The following FGF2 variants were observed in gnomAD, a reference collection of about 807,000 sequenced individuals.
FGF2 encodes fibroblast growth factor 2.
Under a neutral mutation model 15.9 loss-of-function variants are expected in FGF2, and 13 were observed. The ratio of observed to expected loss-of-function variants is 0.82; its 90% CI spans 0.53 to 1.30. The LOEUF (loss-of-function observed/expected upper bound fraction) is 1.30, where lower values mean the gene tolerates loss of function less well. FGF2 is among the 50% of genes most tolerant of loss of function. The probability of loss-of-function intolerance (pLI) is 0.00; values close to 1 mark genes in which losing one functional copy is unlikely to be tolerated. For synonymous variants in FGF2, 90 were observed against 78.4 expected, an observed-to-expected ratio of 1.15 and a Z score of -0.78; for missense variants, 163 against 196.9, an observed-to-expected ratio of 0.83 and a Z score of 1.03.
At chr4:122,864,821 T>G (rs1726538637) in intron 1 of FGF2, among the ~76,000 whole-genome samples, 2 of 152,202 alleles carry the variant, frequency 1.3e-5, no homozygotes, top group Non-Finnish European at 2.9e-5. Flanking sequence ...CTCATGAATG[T>G]GCTTATTTTC....
chr4:122,855,176 T>C (rs1281335297), intron 1 of FGF2, among the ~76,000 whole-genome samples: 1 of 152,172 alleles, frequency 6.6e-6, no homozygotes, highest in Non-Finnish European at 1.5e-5. Context: ...ATGAGGCACT[T>C]ACTTAATTAA....
intron 1 of FGF2, among the ~76,000 whole-genome samples, chr4:122,862,740 C>T (rs1264860491): frequency 1.3e-5 from 2 of 152,132 alleles, no homozygotes; most frequent in Admixed American, 6.5e-5. Flanking sequence ...TGATGAGATG[C>T]TTCAATTTTG....
chr4:122,843,130 T>A (rs1255719995), intron 1 of FGF2, among the ~76,000 whole-genome samples: 3 of 152,162 alleles, frequency 2.0e-5, no homozygotes, highest in African/African-American at 7.2e-5. Context: ...GCTTTGCTTG[T>A]GGTGTTTTCC....
chr4:122,863,438 A>C (rs1224157461), intron 1 of FGF2, among the ~76,000 whole-genome samples: 1 of 152,110 alleles, frequency 6.6e-6, no homozygotes, highest in Non-Finnish European at 1.5e-5. Context: ...CTAGGTGTGT[A>C]GGACTTAAGT....
chr4:122,855,445 T>C (rs1726320177), intron 1 of FGF2, among the ~76,000 whole-genome samples: 3 of 152,242 alleles, frequency 2.0e-5, no homozygotes, highest in Admixed American at 2.0e-4. Flanking sequence ...AGCAGTTTTG[T>C]TGAAGTATTT....
chr4:122,871,885 GA>G (rs1419377382), intron 1 of FGF2, among the ~76,000 whole-genome samples: 4 of 148,832 alleles, frequency 2.7e-5, no homozygotes, highest in African/African-American at 1.0e-4. Context: ...CTCAAAGACT[GA>G]AAATAGACAA....
At chr4:122,890,496 G>C (rs963636835) in intron 2 of FGF2, among the ~76,000 whole-genome samples, 8 of 152,188 alleles carry the variant, frequency 5.3e-5, no homozygotes, top group African/African-American at 1.7e-4. Context: ...TAAATATCCA[G>C]TAAAATTCTT....
intron 1 of FGF2, among the ~76,000 whole-genome samples, chr4:122,858,869 G>C (rs765323842): frequency 1.1e-4 from 17 of 152,274 alleles, no homozygotes; most frequent in Non-Finnish European, 2.2e-4. Flanking sequence ...GATCCAAGGA[G>C]ACTACTAAAC....
chr4:122,830,870 C>T (rs970004167), intron 1 of FGF2, among the ~76,000 whole-genome samples: 2 of 148,004 alleles, frequency 1.4e-5, no homozygotes, highest in Non-Finnish European at 3.0e-5. Flanking sequence ...TGTATCTACC[C>T]TTGGGCTTCT....
At chr4:122,842,773 T>C (rs1215856770) in intron 1 of FGF2, among the ~76,000 whole-genome samples, 1 of 152,226 alleles carries the variant, frequency 6.6e-6, no homozygotes, top group Non-Finnish European at 1.5e-5. Flanking sequence ...GCCAAATATA[T>C]GGCCTGCTTC....
At position 122,827,304 on chromosome 4, in the gene FGF2, C is replaced by G. The variant is rs1273011160; in HGVS notation, c.130C>G (p.His44Asp). The change falls in exon 1 of 3, where the codon CAC (histidine) becomes GAC (aspartate). Residue 44 changes from histidine (H) to aspartate (D), a missense_variant. Coordinates refer to ENST00000644866, the MANE Select transcript of FGF2 (RefSeq NM_001361665.2). This position sits in a 1 kb window ranked among gnomAD's most constrained non-coding sequence, Gnocchi z 4.2. ...CKNGGFFLRI[H>D]PDGRVDGVRE... ...AAACGGGGGCTTCTTCCTGCGCATC[C>G]ACCCCGACGGCCGAGTTGACGGGGT... is the stretch of plus-strand genomic sequence containing the variant. The G allele has an allele frequency of 5.6e-6, 9 of 1,613,024 alleles. No homozygotes were observed. The East Asian group carries it at 1.8e-4, about 32-fold the overall frequency.
intron 1 of FGF2, among the ~76,000 whole-genome samples, chr4:122,865,271 G>A (rs529280139): frequency 6.9e-6 from 1 of 144,770 alleles, no homozygotes; most frequent in Non-Finnish European, 1.5e-5. Flanking sequence ...TATTTTCTCT[G>A]TTTTTTTTTG....
intron 1 of FGF2, among the ~76,000 whole-genome samples, chr4:122,846,215 T>C (rs949660255): frequency 1.4e-4 from 21 of 152,130 alleles, no homozygotes; most frequent in Non-Finnish European, 1.0e-4. Context: ...TCAAAACAAT[T>C]ACAGTGGTAA....
chr4:122,867,603 CCAGAGTGCTG>C (rs1472769780), intron 1 of FGF2, among the ~76,000 whole-genome samples: 1 of 152,142 alleles, frequency 6.6e-6, no homozygotes, highest in Non-Finnish European at 1.5e-5. Context: ...CCAAGGCCTC[CCAGAGTGCTG>C]GAATTACAGG....
At chr4:122,826,785 G>GT (rs1725635608), upstream of FGF2, 2 of 1,383,178 alleles carry the variant, frequency 1.4e-6, no homozygotes, top group Non-Finnish European at 1.9e-6. Flanking sequence ...GCTGGTGGGT[G>GT]TGGGGGGTGG....
Position 122,858,873 on chromosome 4 carries a change from A to G in FGF2, c.179-17448A>G, listed in dbSNP as rs1578464768. On this transcript the variant is annotated intron_variant, in intron 1 of 2. Coordinates refer to ENST00000644866, the MANE Select transcript of FGF2 (RefSeq NM_001361665.2). ...GGTGAATTTTAGATCCAAGGAGACT[A>G]CTAAACCTGGCTCAGTTATTTTTGG... 2.6e-5 allele frequency among the ~76,000 whole-genome samples: 4 copies of G among 152,310 alleles called. No homozygotes were observed. In the East Asian group the frequency reaches 7.7e-4, roughly 29 times the overall value.
At chr4:122,829,335 C>G (rs1351859753) in intron 1 of FGF2, among the ~76,000 whole-genome samples, 1 of 152,088 alleles carries the variant, frequency 6.6e-6, no homozygotes, top group Non-Finnish European at 1.5e-5. Context: ...TTGCTGTAAC[C>G]TGGAAGGGTG....
At chr4:122,879,309 T>G (rs1159985386) in intron 2 of FGF2, among the ~76,000 whole-genome samples, 1 of 151,988 alleles carries the variant, frequency 6.6e-6, no homozygotes, top group East Asian at 1.9e-4. Flanking sequence ...GGAAGATGAG[T>G]TTCCAACCCT....
chr4:122,829,785 T>C (rs2150759842), intron 1 of FGF2, among the ~76,000 whole-genome samples: 1 of 152,284 alleles, frequency 6.6e-6, no homozygotes, highest in Non-Finnish European at 1.5e-5. Flanking sequence ...CTGACAAGAA[T>C]ACAAATCTAA....
Sources: gnomAD v4.1 joint callset for allele counts (sites outside exome capture counted in the v4.1 genomes callset) on GRCh38, gnomAD v4.1.1 for gene constraint, Gnocchi (gnomAD v3.1) non-coding constraint, MANE v1.5 for transcripts, NCBI Gene and HGNC (gene_info 2026-07-23, HGNC 2026-07-21) for gene names.